MED25: variants seen among roughly 807,000 people sequenced by gnomAD.
MED25 encodes mediator complex subunit 25.
MED25 carries 62 observed loss-of-function variants against 89.4 expected under a neutral mutation model. That is an observed-to-expected ratio of 0.69 (90% CI 0.57 to 0.86). The LOEUF (loss-of-function observed/expected upper bound fraction) is 0.86. Among genes scored for constraint, MED25 ranks in the 40% least tolerant of loss-of-function variants. The pLI is 0.00. For missense variants in MED25, 905 were observed against 1,005.2 expected, an observed-to-expected ratio of 0.90 and a Z score of 1.35; for synonymous variants, 449 against 427.9, an observed-to-expected ratio of 1.05 and a Z score of -0.61.
Position 49,835,414 on chromosome 19 carries a change from C to A in MED25, c.1675-120C>A. On this transcript the variant is annotated intron_variant, in intron 14 of 17. Transcript: ENST00000312865. The surrounding 1 kb of genome is among the most constrained non-coding windows in gnomAD (Gnocchi z 6.2). ...TGTACGGCATCCCTCCCAGACCACT[C>A]ACCCCCAAAGAGAATGTCCCCATCT... The A allele has an allele frequency of 9.1e-7, 1 of 1,101,914 alleles. No individual in the cohort carries two copies. Among genetic ancestry groups the A allele is most frequent in the Non-Finnish European group, 1.3e-6 (1 of 767,524 alleles). The allele number at this position is 1,101,914 out of a possible 1,614,324, so 68.3% of individuals were successfully genotyped here.
intron 3 of MED25, among the ~76,000 whole-genome samples, chr19:49,826,327 G>A (rs574699236): frequency 6.6e-6 from 1 of 152,326 alleles, no homozygotes; most frequent in East Asian, 1.9e-4. Flanking sequence ...GAGACAGAGC[G>A]AGACTCCGTC....
chr19:49,830,971 C>A lies in MED25; in HGVS notation c.1101+84C>A. On this transcript the variant is annotated intron_variant, in intron 9 of 17. Coordinates refer to ENST00000312865, the MANE Select transcript of MED25 (RefSeq NM_030973.4). This position sits in a 1 kb window ranked among gnomAD's most constrained non-coding sequence, Gnocchi z 4.6. ...AGTTAGAGGATGAGTCATTTGCCTT[C>A]CAGGGGGATGTGGCTCTCGTGGTTC... 1 of 1,434,580 alleles carries A rather than the reference C, an allele frequency of 7.0e-7. No individual in the cohort carries two copies. Among genetic ancestry groups the A allele is most frequent in the Non-Finnish European group, 9.7e-7 (1 of 1,031,706 alleles). 88.9% of individuals were successfully genotyped at this position (1,434,580 alleles called of 1,614,324 possible). A position where few individuals can be genotyped will look rare whatever the true frequency, so the allele number is the denominator to read the frequency against.
In MED25 at chr19:49,830,579, G is replaced by A. The variant is rs2123879803; in HGVS notation, c.888G>A (p.Lys296=). 5 of 1,614,168 alleles carry A rather than the reference G, an allele frequency of 3.1e-6. No homozygotes were observed. Among genetic ancestry groups the A allele is most frequent in the Non-Finnish European group, 4.2e-6 (5 of 1,180,010 alleles). Residue 296 remains lysine, a synonymous_variant, in exon 8 of 18, where the codon AAG becomes AAA. Coordinates refer to ENST00000312865, the MANE Select transcript of MED25 (RefSeq NM_030973.4). This position sits in a 1 kb window ranked among gnomAD's most constrained non-coding sequence, Gnocchi z 4.6. ...CAGTGGAGGCTGCCAAGAACCAGAA[G>A]GCTGGGCTGGGCCCTCGCTGTGAGT... ...QNAVEAAKNQ[K]AGLGPRFSPI...
rs1448705382 is a variant in MED25 at position 49,835,661 on chromosome 19, T to C, written c.1746+56T>C. The C allele has an allele frequency of 1.3e-6, 2 of 1,571,748 alleles. No individual in the cohort carries two copies. Among genetic ancestry groups the C allele is most frequent in the Non-Finnish European group, 1.7e-6 (2 of 1,159,118 alleles). ...GGTTGGGGAGGCCCCAAGGCTGCGC[T>C]CTGTGCCTGCAGAAGGGGCGTGAGG... On this transcript the variant is annotated intron_variant, in intron 15 of 17. Transcript: ENST00000312865. The surrounding 1 kb of genome is among the most constrained non-coding windows in gnomAD (Gnocchi z 6.2).
At chr19:49,818,746 C>A in intron 2 of MED25, 130 bp downstream of exon 2, 1 of 928,088 alleles carries the variant, frequency 1.1e-6, no homozygotes, top group Non-Finnish European at 1.7e-6. Flanking sequence ...GTCTGGACTC[C>A]TTGTTCTGAG....
At chr19:49,839,855 A>C (rs187997340), downstream of MED25, 1 of 152,344 alleles carries the variant, frequency 6.6e-6, no homozygotes, top group East Asian at 1.9e-4. Context: ...ATCCAGACTC[A>C]TGAGAAGGAA....
Position 49,835,661 on chromosome 19 carries a change from T to G in MED25, c.1746+56T>G, listed in dbSNP as rs1448705382. ...GGTTGGGGAGGCCCCAAGGCTGCGC[T>G]CTGTGCCTGCAGAAGGGGCGTGAGG... On this transcript the variant is annotated intron_variant, in intron 15 of 17. Coordinates refer to ENST00000312865, the MANE Select transcript of MED25 (RefSeq NM_030973.4). This position sits in a 1 kb window ranked among gnomAD's most constrained non-coding sequence, Gnocchi z 6.2. 1 of 1,571,748 alleles carries G rather than the reference T, an allele frequency of 6.4e-7. No homozygotes were observed.
In MED25 at chr19:49,832,214, T is replaced by A. The variant is rs1353881883; in HGVS notation, c.1374+57T>A. ...CGGGCAGTCCTCACCCTGCTGTCTC[T>A]TTCCTGTTCCCTGCCCCACCCCCAC... On this transcript the variant is annotated intron_variant, in intron 12 of 17. Coordinates refer to ENST00000312865, the MANE Select transcript of MED25 (RefSeq NM_030973.4). 3 of 1,590,688 alleles carry A rather than the reference T, an allele frequency of 1.9e-6. No homozygotes were observed. The East Asian group carries it at 6.8e-5, about 36-fold the overall frequency.
chr19:49,836,409 A>G lies in MED25; in HGVS notation c.2146+3A>G. 6.3e-7 allele frequency: 1 copy of G among 1,586,288 alleles called. No individual in the cohort carries two copies. The highest frequency in any genetic ancestry group is 8.6e-7 in the Non-Finnish European group (1 of 1,166,012). ...TCCCCCTCGGGCTCCACTGCCAGGT[A>G]AGGGGACCCGGGGGAGGGCAGAGGT... On this transcript the variant is annotated splice_donor_region_variant and intron_variant, in intron 17 of 17. Transcript: ENST00000312865. The surrounding 1 kb of genome is among the most constrained non-coding windows in gnomAD (Gnocchi z 5.1).
In MED25 at chr19:49,829,775, C is replaced by T. The variant is rs1318354878; in HGVS notation, c.526-11C>T. The T allele has an allele frequency of 1.9e-6, 3 of 1,579,994 alleles. No individual in the cohort carries two copies. Among genetic ancestry groups the T allele is most frequent in the Admixed American group, 1.8e-5 (1 of 54,924 alleles). ...GGGGCCCGTCATGACTGCTCGGCCC[C>T]TCTCCTACAGCGGGGGATCCACTTC... On this transcript the variant is annotated splice_polypyrimidine_tract_variant and intron_variant, in intron 5 of 17. Transcript: ENST00000312865. The surrounding 1 kb of genome is among the most constrained non-coding windows in gnomAD (Gnocchi z 4.6).
chr19:49,828,405 G>A, intron 3 of MED25, 44 bp from the exon 4 acceptor site: 1 of 1,307,980 alleles, frequency 7.6e-7, no homozygotes, highest in Non-Finnish European at 1.1e-6. Flanking sequence ...GCCTGGGGAT[G>A]GGGATGATGG....
chr19:49,828,831 T>G, intron 4 of MED25, 139 bp from the exon 5 acceptor site: 2 of 1,491,136 alleles, frequency 1.3e-6, no homozygotes, highest in Middle Eastern at 4.4e-4. Context: ...GGAGCCTCAG[T>G]GTTCTCAGCT....
At chr19:49,825,375 A>C (rs975817173) in intron 3 of MED25, among the ~76,000 whole-genome samples, 45 of 151,858 alleles carry the variant, frequency 3.0e-4, no homozygotes, top group African/African-American at 1.1e-3. Context: ...CAGCCTCCCG[A>C]GTAGCTGGGA....
At position 49,829,299 on chromosome 19, in the gene MED25, G is replaced by A. The variant is rs1376529369; in HGVS notation, c.525+209G>A. Among the ~76,000 whole-genome samples the A allele has an allele frequency of 1.3e-5, 2 of 152,076 alleles. No homozygotes were observed. The highest frequency in any genetic ancestry group is 4.8e-5 in the African/African-American group (2 of 41,408). ...GACCAGCTTTGCTTACTCTCTTTTC[G>A]AAACAGTCTGGCTCTGTTACCCAGG... On this transcript the variant is annotated intron_variant, in intron 5 of 17. Transcript: ENST00000312865. This position sits in a 1 kb window ranked among gnomAD's most constrained non-coding sequence, Gnocchi z 4.6.
Position 49,829,401 on chromosome 19 carries a change from C to G in MED25, c.525+311C>G, listed in dbSNP as rs1043463867. ...TCAAGCAATTCTCATGTTTCAGCCTCCCGAGTAGCTGGGATTATAGACGCC... is the reference window on the plus strand; with the variant it reads ...TCAAGCAATTCTCATGTTTCAGCCTGCCGAGTAGCTGGGATTATAGACGCC... On this transcript the variant is annotated intron_variant, in intron 5 of 17. Transcript: ENST00000312865. This position sits in a 1 kb window ranked among gnomAD's most constrained non-coding sequence, Gnocchi z 4.6. Among the ~76,000 whole-genome samples, 3 of 152,162 alleles carry G rather than the reference C, an allele frequency of 2.0e-5. No homozygotes were observed. The highest frequency in any genetic ancestry group is 7.2e-5 in the African/African-American group (3 of 41,424).
intron 3 of MED25, among the ~76,000 whole-genome samples, chr19:49,822,370 C>G (rs1260772151): frequency 6.6e-6 from 1 of 151,668 alleles, no homozygotes; most frequent in Non-Finnish European, 1.5e-5. Flanking sequence ...CACTTCAAGC[C>G]AGGAGGTGGA....
At chr19:49,837,402 G>C (rs1415378527), downstream of MED25, among the ~76,000 whole-genome samples, 1 of 152,262 alleles carries the variant, frequency 6.6e-6, no homozygotes, top group African/African-American at 2.4e-5. Context: ...TTTGGAGCAT[G>C]AGCATGTAGG....
chr19:49,824,760 G>A (rs887209546), intron 3 of MED25, among the ~76,000 whole-genome samples: 2 of 152,208 alleles, frequency 1.3e-5, no homozygotes, highest in Non-Finnish European at 2.9e-5. Flanking sequence ...CAAGGTCCTG[G>A]CCCTCATGGA....
At chr19:49,839,384 T>C (rs1025697852), downstream of MED25, 3 of 160,364 alleles carry the variant, frequency 1.9e-5, no homozygotes, top group Non-Finnish European at 4.1e-5. Flanking sequence ...CATCAGGAGT[T>C]GACTTGTTCT....
Sources: allele counts gnomAD v4.1 joint callset (sites outside exome capture counted in the v4.1 genomes callset), GRCh38; gene constraint gnomAD v4.1.1; non-coding constraint Gnocchi (gnomAD v3.1); transcripts MANE v1.5; gene names NCBI Gene and HGNC (gene_info 2026-07-23, HGNC 2026-07-21).